The following AFTPH variants were observed in gnomAD, a reference collection of about 807,000 sequenced individuals.
AFTPH encodes the protein aftiphilin protein.
AFTPH carries 7 observed loss-of-function variants against 72.5 expected under a neutral mutation model. The observed-to-expected ratio is 0.10, with a 90% CI of 0.05 to 0.18. AFTPH has a LOEUF of 0.18. AFTPH is among the 10% of genes least tolerant of loss of function. The probability of loss-of-function intolerance (pLI) is 1.00; values close to 1 mark genes in which losing one functional copy is unlikely to be tolerated. For synonymous variants in AFTPH, 337 were observed against 370.1 expected, an observed-to-expected ratio of 0.91 and a Z score of 1.03; for missense variants, 979 against 1,060.5, an observed-to-expected ratio of 0.92 and a Z score of 1.07.
At chr2:64,581,380 T>C (rs1031714957) in intron 7 of AFTPH, 107 bp downstream of exon 8, 26 of 863,304 alleles carry the variant, frequency 3.0e-5, no homozygotes, top group African/African-American at 5.3e-5. Context: ...TTCTCTATAA[T>C]GTCTTTTTAA....
intron 5 of AFTPH, 124 bp from the exon 6 acceptor site, chr2:64,572,822 G>A (rs1672527426): frequency 3.2e-6 from 4 of 1,257,226 alleles, no homozygotes; most frequent in East Asian, 2.4e-5. Context: ...AAAAAGACTA[G>A]TTCCTTTTTG....
chr2:64,566,429 T>A (rs536846995), intron 2 of AFTPH, among the ~76,000 whole-genome samples: 13 of 152,300 alleles, frequency 8.5e-5, no homozygotes, highest in East Asian at 5.8e-4. Flanking sequence ...TTTTTTTTTT[T>A]AATTTTCCTG....
At position 64,585,473 on chromosome 2, in the gene AFTPH, C is replaced by A. The variant is rs760831084; in HGVS notation, c.2507C>A (p.Thr836Asn). ...ACAACTTCTAAGCTGGAAATCTCCA[C>A]CTCAAGCCTCAAAGTGACTGATGCA... Residue 836 changes from threonine (T) to asparagine (N), a missense_variant, in exon 8 of 9, where the codon ACC becomes AAC. By Grantham distance (65) the Thr-to-Asn change is moderately conservative. Around this residue, in one of 3 missense-constraint regions of AFTPH, gnomAD observed 438 missense variants for 530.0 expected, o/e 0.83. Coordinates refer to ENST00000238856, the Ensembl canonical transcript of AFTPH. The A allele has an allele frequency of 1.9e-6, 3 of 1,613,782 alleles. No homozygotes were observed. The South Asian group carries it at 3.3e-5, about 18-fold the overall frequency.
intron 6 of AFTPH, 34 bp from the exon 7 acceptor site, chr2:64,579,452 T>G: frequency 3.1e-6 from 5 of 1,588,116 alleles, no homozygotes; most frequent in Non-Finnish European, 4.3e-6. Context: ...CAACCTGTAC[T>G]GATTAATTTT....
At chr2:64,584,627 T>C (rs544813622) in intron 7 of AFTPH, among the ~76,000 whole-genome samples, 65 of 149,970 alleles carry the variant, frequency 4.3e-4, no homozygotes, top group Admixed American at 1.5e-3. Flanking sequence ...GACGCAGTCT[T>C]GTTCTGTCAC....
At chr2:64,585,441 T>C (rs1230678177) in exon 8 of AFTPH, 2 of 1,613,346 alleles carry the variant, frequency 1.2e-6, no homozygotes, top group Admixed American at 1.7e-5. Flanking sequence ...CGGAGTTGTA[T>C]GAGTTAACAA....
chr2:64,575,717 G>GTATATA (rs1672728671), intron 6 of AFTPH, among the ~76,000 whole-genome samples: 1 of 60,694 alleles, frequency 1.6e-5, no homozygotes, highest in African/African-American at 5.9e-5. Flanking sequence ...GTGTGTGTGT[G>GTATATA]TGTGTGTGTG....
chr2:64,551,767 C>T, exon 2 of AFTPH: 1 of 1,613,608 alleles, frequency 6.2e-7, no homozygotes, highest in Non-Finnish European at 8.5e-7. Flanking sequence ...GAACTTTCTG[C>T]TCCTGTGAAA....
intron 1 of AFTPH, among the ~76,000 whole-genome samples, chr2:64,526,355 A>G (rs1455289615): frequency 6.6e-6 from 1 of 152,216 alleles, no homozygotes; most frequent in Non-Finnish European, 1.5e-5. Context: ...TTTCCTCAGC[A>G]GGCAAAGTCT....
chr2:64,565,104 G>T (rs111972060), intron 2 of AFTPH, among the ~76,000 whole-genome samples: 13,785 of 151,998 alleles, frequency 0.091, 1,712 homozygotes, highest in African/African-American at 0.27. Flanking sequence ...TTCCCAAAGT[G>T]CTGGGATTAC....
intron 8 of AFTPH, 79 bp downstream of exon 9, chr2:64,585,624 C>G: frequency 6.8e-7 from 1 of 1,470,350 alleles, no homozygotes; most frequent in Non-Finnish European, 9.1e-7. Flanking sequence ...TGTCAGTTGA[C>G]AGCATTTCAA....
chr2:64,553,206 G>A, exon 2 of AFTPH: 1 of 1,614,046 alleles, frequency 6.2e-7, no homozygotes, highest in Non-Finnish European at 8.5e-7. Flanking sequence ...TTTTGAGGAT[G>A]AACAAAAAGA....
chr2:64,579,456 T>C, intron 6 of AFTPH, 30 bp from the exon 7 acceptor site: 1 of 1,602,206 alleles, frequency 6.2e-7, no homozygotes, highest in Non-Finnish European at 8.6e-7. Context: ...CTGTACTGAT[T>C]AATTTTGATT....
chr2:64,533,785 C>A (rs569330888), intron 1 of AFTPH, among the ~76,000 whole-genome samples: 5 of 152,092 alleles, frequency 3.3e-5, no homozygotes, highest in Non-Finnish European at 7.4e-5. Context: ...AAATACCTAA[C>A]AATAAACTTA....
At chr2:64,582,493 A>T (rs188893124) in intron 7 of AFTPH, among the ~76,000 whole-genome samples, 3 of 152,194 alleles carry the variant, frequency 2.0e-5, no homozygotes, top group Non-Finnish European at 2.9e-5. Flanking sequence ...GCAAGCATAT[A>T]AAAAACCAAT....
chr2:64,530,273 T>C (rs1214041456), intron 1 of AFTPH, among the ~76,000 whole-genome samples: 1 of 152,208 alleles, frequency 6.6e-6, no homozygotes, highest in African/African-American at 2.4e-5. Context: ...TGTTGTAGTG[T>C]TTTGTAGTTT....
chr2:64,538,363 A>G lies in AFTPH; in HGVS notation c.-32-13080A>G, dbSNP rs137953051. 1.5e-3 allele frequency among the ~76,000 whole-genome samples: 226 copies of G among 152,322 alleles called. 2 individuals are homozygous for G. The highest frequency in any genetic ancestry group is 5.2e-3 in the African/African-American group (217 of 41,562). ...CATCATTAAAAAAGGTCAACCAGCT[A>G]GGAATTTGTTCTCCATGGAATTCCT... On this transcript the variant is annotated intron_variant, in intron 1 of 8. Coordinates refer to ENST00000238856, the Ensembl canonical transcript of AFTPH.
At chr2:64,530,907 C>A (rs1669587982) in intron 1 of AFTPH, among the ~76,000 whole-genome samples, 1 of 151,584 alleles carries the variant, frequency 6.6e-6, no homozygotes, top group African/African-American at 2.4e-5. Flanking sequence ...ACTAAAAATA[C>A]AAAAATTAGC....
intron 6 of AFTPH, among the ~76,000 whole-genome samples, chr2:64,573,885 T>C (rs951252395): frequency 3.9e-5 from 6 of 152,190 alleles, no homozygotes; most frequent in Non-Finnish European, 8.8e-5. Flanking sequence ...ATTGAACTTA[T>C]GACAGGTGAT....
Sources: gnomAD v4.1 joint callset for allele counts (sites outside exome capture counted in the v4.1 genomes callset) on GRCh38, gnomAD v4.1.1 for gene constraint, gnomAD v4.1.1 regional missense constraint, MANE v1.5 for transcripts, NCBI Gene and HGNC (gene_info 2026-07-23, HGNC 2026-07-21) for gene names.